NXPE4: variants seen among roughly 807,000 people sequenced by gnomAD.
NXPE4 encodes neurexophilin and PC-esterase domain family member 4.
Under a neutral mutation model 33.3 loss-of-function variants are expected in NXPE4, and 42 were observed. The ratio of observed to expected loss-of-function variants is 1.26; its 90% CI spans 0.98 to 1.63. The LOEUF (loss-of-function observed/expected upper bound fraction) is 1.63, where lower values mean the gene tolerates loss of function less well. Among genes scored for constraint, NXPE4 ranks in the 40% most tolerant of loss-of-function variants. The pLI is 0.00. For synonymous variants in NXPE4, 253 were observed against 234.9 expected, an observed-to-expected ratio of 1.08 and a Z score of -0.71; for missense variants, 709 against 647.6, an observed-to-expected ratio of 1.09 and a Z score of -1.03.
chr11:114,630,721 T>C, the NXPE4 span, among the ~76,000 whole-genome samples: 1 of 151,104 alleles, frequency 6.6e-6, no homozygotes, highest in Non-Finnish European at 1.5e-5. Context: ...GAAACTACCA[T>C]CAGAGTGAAC....
the NXPE4 span, among the ~76,000 whole-genome samples, chr11:114,654,429 G>A: frequency 9.2e-5 from 14 of 152,034 alleles, no homozygotes; most frequent in South Asian, 2.1e-3. Flanking sequence ...TGCCATGGTG[G>A]TTTGCTGCAC....
chr11:114,594,034 TG>T (rs1212610032), intron 2 of NXPE4, among the ~76,000 whole-genome samples: 1 of 151,892 alleles, frequency 6.6e-6, no homozygotes, highest in East Asian at 1.9e-4. Context: ...GGAAGGGTGG[TG>T]GGGGCATGGA....
chr11:114,603,388 C>G, the NXPE4 span, among the ~76,000 whole-genome samples: 17 of 151,442 alleles, frequency 1.1e-4, no homozygotes, highest in Non-Finnish European at 1.6e-4. Context: ...TTCCTCATCT[C>G]CTAGGTAACA....
At chr11:114,637,810 G>T in the NXPE4 span, among the ~76,000 whole-genome samples, 17 of 152,140 alleles carry the variant, frequency 1.1e-4, no homozygotes, top group South Asian at 3.1e-3. Flanking sequence ...CTTCTGGCTT[G>T]TAGAGTTTCT....
At chr11:114,584,413 A>G (rs1319441718) in intron 2 of NXPE4, 1 of 268,422 alleles carries the variant, frequency 3.7e-6, no homozygotes, top group Non-Finnish European at 7.6e-6. Flanking sequence ...GATTCTGAGG[A>G]TGCTGTCCCT....
At chr11:114,588,812 CCTT>C (rs1949371575) in intron 2 of NXPE4, among the ~76,000 whole-genome samples, 1 of 152,164 alleles carries the variant, frequency 6.6e-6, no homozygotes, top group African/African-American at 2.4e-5. Flanking sequence ...ATAAAACACA[CCTT>C]CTTGTCCCCT....
At chr11:114,650,406 G>C in the NXPE4 span, among the ~76,000 whole-genome samples, 4 of 152,218 alleles carry the variant, frequency 2.6e-5, no homozygotes, top group Non-Finnish European at 5.9e-5. Flanking sequence ...CTATTTATGA[G>C]AAAGACTCAG....
At chr11:114,574,849 T>C (rs375423555) in intron 5 of NXPE4, among the ~76,000 whole-genome samples, 11 of 151,978 alleles carry the variant, frequency 7.2e-5, no homozygotes, top group African/African-American at 2.2e-4. Context: ...ATAAAGCCAG[T>C]ATCATCCTAA....
the NXPE4 span, among the ~76,000 whole-genome samples, chr11:114,602,141 CTA>C: frequency 5.0e-5 from 5 of 99,450 alleles, no homozygotes; most frequent in African/African-American, 2.1e-4. Context: ...ATAACATATA[CTA>C]TATATAATAT....
chr11:114,630,839 C>A, the NXPE4 span, among the ~76,000 whole-genome samples: 2 of 151,670 alleles, frequency 1.3e-5, no homozygotes, highest in African/African-American at 4.9e-5. Context: ...AAAAAACAAA[C>A]AACCCCATCA....
the NXPE4 span, among the ~76,000 whole-genome samples, chr11:114,674,152 T>G: frequency 6.6e-6 from 1 of 151,734 alleles, no homozygotes; most frequent in Non-Finnish European, 1.5e-5. Context: ...GCTAAGGAAT[T>G]AAAATGCCTT....
chr11:114,594,819 A>G (rs1949543410), intron 1 of NXPE4, 50 bp from the exon 2 acceptor site: 2 of 942,138 alleles, frequency 2.1e-6, no homozygotes, highest in Non-Finnish European at 3.3e-6. Flanking sequence ...ACAAAACAGA[A>G]AAGCAAACAA....
At chr11:114,610,160 A>C in the NXPE4 span, among the ~76,000 whole-genome samples, 2 of 151,960 alleles carry the variant, frequency 1.3e-5, no homozygotes, top group African/African-American at 4.8e-5. Flanking sequence ...GCAGCTAACC[A>C]CTGTTACCTG....
chr11:114,608,269 G>A, the NXPE4 span, among the ~76,000 whole-genome samples: 2 of 151,714 alleles, frequency 1.3e-5, no homozygotes, highest in Admixed American at 6.6e-5. Context: ...TGCCTTGTGG[G>A]TAACCACTGT....
the NXPE4 span, among the ~76,000 whole-genome samples, chr11:114,674,779 G>A: frequency 5.3e-5 from 8 of 151,756 alleles, no homozygotes; most frequent in African/African-American, 1.9e-4. Flanking sequence ...TGAAGTAAAG[G>A]GAATACTTTC....
chr11:114,640,386 G>A, the NXPE4 span, among the ~76,000 whole-genome samples: 2 of 150,300 alleles, frequency 1.3e-5, no homozygotes, highest in Non-Finnish European at 3.0e-5. Flanking sequence ...ATCCACTCAT[G>A]TGTTCGTCAG....
the NXPE4 span, among the ~76,000 whole-genome samples, chr11:114,633,113 A>G: frequency 8.3e-6 from 1 of 120,516 alleles, no homozygotes; most frequent in African/African-American, 3.3e-5. Flanking sequence ...TTTACATTAT[A>G]TTTTATATAA....
the NXPE4 span, among the ~76,000 whole-genome samples, chr11:114,625,031 G>A: frequency 2.7e-4 from 41 of 151,988 alleles, no homozygotes; most frequent in African/African-American, 8.7e-4. Flanking sequence ...GTGTTGCCTC[G>A]GGGGTAAACA....
chr11:114,635,945 G>T, the NXPE4 span, among the ~76,000 whole-genome samples: 117 of 152,094 alleles, frequency 7.7e-4, no homozygotes, highest in African/African-American at 2.2e-3. Context: ...TGGTTTCTCT[G>T]CCCGTCTTTG....
Sources: gnomAD v4.1 joint callset for allele counts (sites outside exome capture counted in the v4.1 genomes callset) on GRCh38, gnomAD v4.1.1 for gene constraint, MANE v1.5 for transcripts, NCBI Gene and HGNC (gene_info 2026-07-23, HGNC 2026-07-21) for gene names.